LAMA2: variants seen among roughly 807,000 people sequenced by gnomAD.
LAMA2 encodes the protein laminin subunit alpha-2.
Under a neutral mutation model 364.8 loss-of-function variants are expected in LAMA2, and 269 were observed. The ratio of observed to expected loss-of-function variants is 0.74; its 90% CI spans 0.67 to 0.82. The LOEUF (loss-of-function observed/expected upper bound fraction) is 0.82. Ranked by LOEUF, LAMA2 falls within the 40% of genes least tolerant of loss-of-function variation. LAMA2 has a pLI of 0.00. For synonymous variants in LAMA2, 1,379 were observed against 1,370.6 expected (o/e 1.01, Z -0.14); for missense variants, 3,807 against 3,873.2 (o/e 0.98, Z 0.45).
intron 1 of LAMA2, among the ~76,000 whole-genome samples, chr6:128,910,717 T>G (rs1413162818): frequency 3.3e-5 from 5 of 152,172 alleles, no homozygotes; most frequent in Middle Eastern, 3.4e-3. Flanking sequence ...GGCGCTCTGC[T>G]TTTTAGAGTT....
intron 1 of LAMA2, among the ~76,000 whole-genome samples, chr6:128,997,047 G>A (rs1406737287): frequency 2.0e-5 from 3 of 151,040 alleles, no homozygotes; most frequent in African/African-American, 4.9e-5. Flanking sequence ...AACACTGCAT[G>A]TTCTCACTCA....
intron 1 of LAMA2, among the ~76,000 whole-genome samples, chr6:128,986,572 T>A (rs1393892786): frequency 6.6e-6 from 1 of 152,174 alleles, no homozygotes; most frequent in African/African-American, 2.4e-5. Flanking sequence ...CCTAATAACT[T>A]ATTTGCTCTA....
At chr6:129,007,452 C>G (rs1562913445) in intron 1 of LAMA2, among the ~76,000 whole-genome samples, 1 of 152,120 alleles carries the variant, frequency 6.6e-6, no homozygotes, top group African/African-American at 2.4e-5. Flanking sequence ...ATTCTAGATG[C>G]TATTCATCTT....
rs1454718709 is a variant in LAMA2 at position 129,297,704 on chromosome 6, A to C, written c.2876A>C (p.Gln959Pro). 1 of 1,613,962 alleles carries C rather than the reference A, an allele frequency of 6.2e-7. No individual in the cohort carries two copies. ...TGCCAGGCTGGGACCTTTGGCCTAC[A>C]ATCAGCAAGGGGCTGTGTTCCCTGC... ...DKCKAGTFGL[Q>P]SARGCVPCNC... Residue 959 changes from glutamine to proline, a missense_variant, in exon 21 of 65, where the codon CAA becomes CCA. Coordinates refer to ENST00000421865, the MANE Select transcript of LAMA2 (RefSeq NM_000426.4).
At chr6:129,020,102 G>GA (rs57907508) in intron 1 of LAMA2, among the ~76,000 whole-genome samples, 9,120 of 134,118 alleles carry the variant, frequency 0.068, 920 homozygotes, top group African/African-American at 0.25. Context: ...GAAAAAAAAA[G>GA]AAAAAAAAAA....
chr6:128,912,412 T>C (rs1778027961), intron 1 of LAMA2, among the ~76,000 whole-genome samples: 1 of 152,210 alleles, frequency 6.6e-6, no homozygotes, highest in Non-Finnish European at 1.5e-5. Context: ...GGAAAGGTTT[T>C]ATTTTTTACA....
intron 1 of LAMA2, among the ~76,000 whole-genome samples, chr6:128,977,979 CCTT>C (rs772080116): frequency 7.9e-5 from 12 of 152,108 alleles, no homozygotes; most frequent in Non-Finnish European, 1.5e-4. Context: ...TATGAGTTGT[CCTT>C]CTTTTAAAGA....
intron 7 of LAMA2, among the ~76,000 whole-genome samples, chr6:129,152,911 A>T (rs1188071523): frequency 6.6e-6 from 1 of 152,290 alleles, no homozygotes; most frequent in East Asian, 1.9e-4. Context: ...ACCGGTTCTA[A>T]ACAGTATACA....
At chr6:128,963,220 C>A (rs1781638656) in intron 1 of LAMA2, among the ~76,000 whole-genome samples, 1 of 152,004 alleles carries the variant, frequency 6.6e-6, no homozygotes, top group Non-Finnish European at 1.5e-5. Flanking sequence ...ACCTTTCTTC[C>A]CTTATTGATA....
intron 4 of LAMA2, among the ~76,000 whole-genome samples, chr6:129,106,100 T>C (rs567667490): frequency 8.5e-5 from 13 of 152,208 alleles, no homozygotes; most frequent in African/African-American, 3.1e-4. Flanking sequence ...CTTTGAAACA[T>C]GGCAGGCTTG....
intron 4 of LAMA2, among the ~76,000 whole-genome samples, chr6:129,136,242 G>T (rs1458587691): frequency 6.6e-6 from 1 of 152,250 alleles, no homozygotes; most frequent in Non-Finnish European, 1.5e-5. Flanking sequence ...TGAGTAAGGG[G>T]CTTAGAAGTA....
At chr6:128,981,246 A>G (rs1202630133) in intron 1 of LAMA2, among the ~76,000 whole-genome samples, 2 of 152,014 alleles carry the variant, frequency 1.3e-5, no homozygotes, top group African/African-American at 2.4e-5. Flanking sequence ...AGATCAGGCT[A>G]TTTTGTCTCC....
chr6:129,040,253 G>A (rs887825246), intron 1 of LAMA2, among the ~76,000 whole-genome samples: 3 of 152,160 alleles, frequency 2.0e-5, no homozygotes, highest in African/African-American at 7.2e-5. Context: ...CAATATTTTT[G>A]TGGATGATCT....
chr6:129,251,973 T>C (rs929711050), intron 13 of LAMA2, 111 bp from the exon 14 acceptor site: 2 of 672,570 alleles, frequency 3.0e-6, no homozygotes, highest in East Asian at 5.5e-5. Context: ...ACATAAATTT[T>C]TAAAGTTAAA....
At chr6:128,982,859 G>T (rs1355895334) in intron 1 of LAMA2, among the ~76,000 whole-genome samples, 1 of 149,770 alleles carries the variant, frequency 6.7e-6, no homozygotes, top group African/African-American at 2.5e-5. Context: ...AGAACATGCG[G>T]TGTTTGGTTT....
intron 3 of LAMA2, among the ~76,000 whole-genome samples, chr6:129,060,205 A>G (rs1304228374): frequency 6.6e-6 from 1 of 152,232 alleles, no homozygotes; most frequent in Non-Finnish European, 1.5e-5. Context: ...CATAACAAAA[A>G]TATAATAGTA....
intron 58 of LAMA2, among the ~76,000 whole-genome samples, chr6:129,499,448 C>T (rs974941127): frequency 1.3e-5 from 2 of 152,138 alleles, no homozygotes; most frequent in Non-Finnish European, 2.9e-5. Context: ...CTCATTAGAT[C>T]TTTTCTCTTA....
At chr6:129,487,480 A>G (rs910813345) in intron 56 of LAMA2, among the ~76,000 whole-genome samples, 1 of 152,190 alleles carries the variant, frequency 6.6e-6, no homozygotes, top group Non-Finnish European at 1.5e-5. Context: ...ATCAGACTGA[A>G]GACATAGAAA....
Position 129,250,131 on chromosome 6 carries a change from A to G in LAMA2, c.1802A>G (p.Gln601Arg). Reference protein sequence around the residue: ...LGNKLPAVGGQLTFTISYDLE... With the variant: ...LGNKLPAVGGRLTFTISYDLE... ...TTGTAGCTCCCAGCAGTAGGAGGACAGTTGACATTTACCATATCATATGAC... is the reference window on the plus strand; with the variant it reads ...TTGTAGCTCCCAGCAGTAGGAGGACGGTTGACATTTACCATATCATATGAC... The change falls in exon 13 of 65, where the codon CAG (glutamine) becomes CGG (arginine). Residue 601 changes from glutamine (Q) to arginine (R), a missense_variant. Physicochemically the swap from Gln to Arg is conservative, Grantham distance 43 (BLOSUM62 1). Around this residue, in one of 3 missense-constraint regions of LAMA2, gnomAD observed 3,333 missense variants for 3,345.7 expected, o/e 1.00. Coordinates refer to ENST00000421865, the MANE Select transcript of LAMA2 (RefSeq NM_000426.4). The G allele has an allele frequency of 6.2e-7, 1 of 1,605,002 alleles. No individual in the cohort carries two copies. The highest frequency in any genetic ancestry group is 8.5e-7 in the Non-Finnish European group (1 of 1,171,954).
Sources: gnomAD v4.1 joint callset for allele counts (sites outside exome capture counted in the v4.1 genomes callset) on GRCh38, gnomAD v4.1.1 for gene constraint, gnomAD v4.1.1 regional missense constraint, MANE v1.5 for transcripts, NCBI Gene and HGNC (gene_info 2026-07-23, HGNC 2026-07-21) for gene names.